Variants in ENAM observed in about 807,000 individuals in gnomAD.
The protein encoded by ENAM is amelogenesis imperfecta 2, hypocalcification (autosomal dominant).
Under a neutral mutation model 33.6 loss-of-function variants are expected in ENAM, and 21 were observed. That is an observed-to-expected ratio of 0.63 (90% CI 0.44 to 0.90). The LOEUF (loss-of-function observed/expected upper bound fraction) is 0.90. ENAM is among the 40% of genes least tolerant of loss of function. The probability of loss-of-function intolerance (pLI) is 0.00; values close to 1 mark genes in which losing one functional copy is unlikely to be tolerated. For synonymous variants in ENAM, 473 were observed against 468.4 expected, an observed-to-expected ratio of 1.01 and a Z score of -0.13; for missense variants, 1,388 against 1,366.9, an observed-to-expected ratio of 1.02 and a Z score of -0.24.
Position 70,630,103 on chromosome 4 carries a change from A to G in ENAM, c.54+549A>G, listed in dbSNP as rs1481740069. Among the ~76,000 whole-genome samples, 5 of 152,258 alleles carry G rather than the reference A, an allele frequency of 3.3e-5. 1 individual carries two copies. Among genetic ancestry groups the G allele is most frequent in the Admixed American group, 6.5e-5 (1 of 15,292 alleles). ...CATTCAGCTGTTATTTTCATTCTCTATGATGTTCTAACTCTGAAAATCTTT... is the reference window on the plus strand; with the variant it reads ...CATTCAGCTGTTATTTTCATTCTCTGTGATGTTCTAACTCTGAAAATCTTT... On this transcript the variant is annotated intron_variant, in intron 2 of 8. Coordinates refer to ENST00000396073, the MANE Select transcript of ENAM (RefSeq NM_031889.3).
At position 70,644,275 on chromosome 4, in the gene ENAM, C is replaced by T; in HGVS notation, c.2849C>T (p.Ser950Phe). 6 of 1,614,078 alleles carry T rather than the reference C, an allele frequency of 3.7e-6. No individual in the cohort carries two copies. Among genetic ancestry groups the T allele is most frequent in the Non-Finnish European group, 5.1e-6 (6 of 1,179,914 alleles). The change falls in exon 9 of 9, where the codon TCC becomes TTC. Residue 950 changes from serine (S) to phenylalanine (F), a missense_variant. Physicochemically the swap from Ser to Phe is radical, Grantham distance 155. Transcript: ENST00000396073. ...CAAAACCCTTTTAGAGATGATGTGTCCACGCTGAGGAGGAACACACCATGT... is the reference window on the plus strand; with the variant it reads ...CAAAACCCTTTTAGAGATGATGTGTTCACGCTGAGGAGGAACACACCATGT... ...ESQNPFRDDV[S>F]TLRRNTPCSI...
Position 70,645,216 on chromosome 4 carries a change from G to C in ENAM, c.*361G>C. ...ATTGGTTTTTCAAGACTGAAAGGCA[G>C]ATTAACTTTCCATTCTACTTATGGA... On this transcript the variant is annotated 3_prime_UTR_variant, in exon 9 of 9. Transcript: ENST00000396073. 4.9e-5 allele frequency: 16 copies of C among 326,548 alleles called. No homozygotes were observed. Among genetic ancestry groups the C allele is most frequent in the South Asian group, 4.0e-4 (4 of 10,048 alleles). 20.2% of individuals were successfully genotyped at this position (326,548 alleles called of 1,614,324 possible). A position where few individuals can be genotyped will look rare whatever the true frequency, so the allele number is the denominator to read the frequency against.
chr4:70,642,619 C>T lies in ENAM; in HGVS notation c.1193C>T (p.Pro398Leu). The part of the protein sequence containing the change: ...RGNYPNYAGN[P>L]ANLRRKPQGP... ...AATTATCCCAATTATGCAGGAAATC[C>T]AGCAAATCTCAGAAGAAAGCCTCAG... The change falls in exon 9 of 9, where the codon CCA (proline) becomes CTA (leucine). Residue 398 changes from proline to leucine, a missense_variant. Coordinates refer to ENST00000396073, the MANE Select transcript of ENAM (RefSeq NM_031889.3). The T allele has an allele frequency of 1.2e-6, 2 of 1,614,050 alleles. No homozygotes were observed. The highest frequency in any genetic ancestry group is 1.7e-6 in the Non-Finnish European group (2 of 1,179,978).
chr4:70,636,927 A>T (rs964212667), intron 7 of ENAM, among the ~76,000 whole-genome samples: 3 of 152,256 alleles, frequency 2.0e-5, no homozygotes, highest in Non-Finnish European at 4.4e-5. Context: ...AAGAAATGTT[A>T]AAGGCCAGTT....
At position 70,642,511 on chromosome 4, in the gene ENAM, A is replaced by G; in HGVS notation, c.1085A>G (p.Asn362Ser). The change falls in exon 9 of 9, where the codon AAC becomes AGC. Residue 362 changes from asparagine (N) to serine (S), a missense_variant. Physicochemically the swap from Asn to Ser is conservative, Grantham distance 46 (BLOSUM62 1). Transcript: ENST00000396073. ...CAAGTTCAAAGGGGTCCTCGGTGGA[A>G]CTTCTTTGCTTGGGAACGTAAACAA... is the stretch of plus-strand genomic sequence containing the variant. ...NQQVQRGPRW[N>S]FFAWERKQVA... 1 of 1,614,146 alleles carries G rather than the reference A, an allele frequency of 6.2e-7. No homozygotes were observed.
At position 70,642,370 on chromosome 4, in the gene ENAM, A is replaced by G. The variant is rs138327801; in HGVS notation, c.944A>G (p.Asn315Ser). ...SQIPWRPSQP[N>S]IRENHPYPNI... ...ATCCCATGGAGACCAAGTCAGCCAA[A>G]TATTCGTGAAAATCATCCATATCCT... Residue 315 changes from asparagine (N) to serine (S), a missense_variant, in exon 9 of 9, where the codon AAT (asparagine) becomes AGT (serine). Physicochemically the swap from Asn to Ser is conservative, Grantham distance 46. Transcript: ENST00000396073. The G allele has an allele frequency of 1.1e-4, 183 of 1,614,182 alleles. No homozygotes were observed. The highest frequency in any genetic ancestry group is 1.5e-4 in the Non-Finnish European group (175 of 1,180,024).
rs758735517 is a variant in ENAM, at chr4:70,632,657, C to A, written c.175C>A (p.Arg59=). 5 of 1,598,498 alleles carry A rather than the reference C, an allele frequency of 3.1e-6. No individual in the cohort carries two copies. Among genetic ancestry groups the A allele is most frequent in the South Asian group, 1.1e-5 (1 of 90,774 alleles). ...TGGATTCCTTTGGTTGCAGATGATG[C>A]GGTATAATCAATTCAACTTTATGAA... The part of the protein sequence containing the change: ...GFSSKSEEMM[R]YNQFNFMNGP... Residue 59 remains arginine (R), a synonymous_variant, in exon 5 of 9, where the codon CGG becomes AGG. Coordinates refer to ENST00000396073, the MANE Select transcript of ENAM (RefSeq NM_031889.3).
Position 70,644,433 on chromosome 4 carries a change from G to A in ENAM, c.3007G>A (p.Glu1003Lys), listed in dbSNP as rs775162070. 1.3e-5 allele frequency: 21 copies of A among 1,614,042 alleles called. No individual in the cohort carries two copies. The highest frequency in any genetic ancestry group is 2.7e-5 in the African/African-American group (2 of 74,910). ...DGNNILEQVF[E>K]DNQLNERTVD... The stretch of plus-strand genomic sequence containing the variant: ...GAACAACATTCTGGAACAAGTTTTT[G>A]AAGACAACCAGCTCAATGAAAGAAC... The change falls in exon 9 of 9, where the codon GAA becomes AAA. Residue 1003 changes from glutamate to lysine, a missense_variant. Coordinates refer to ENST00000396073, the MANE Select transcript of ENAM (RefSeq NM_031889.3).
At chr4:70,629,000 A>G (rs1270826025) in intron 1 of ENAM, 36 bp downstream of exon 1, 1 of 160,444 alleles carries the variant, frequency 6.2e-6, no homozygotes, top group Non-Finnish European at 1.4e-5. Flanking sequence ...AATTACATAT[A>G]GTGTCAAATA....
intron 6 of ENAM, 139 bp downstream of exon 6, chr4:70,634,707 G>T (rs924463198): frequency 1.1e-4 from 97 of 861,164 alleles, no homozygotes; most frequent in Admixed American, 1.0e-4. Context: ...ATCCAAAACT[G>T]CATGGCAAGT....
intron 8 of ENAM, among the ~76,000 whole-genome samples, chr4:70,639,937 C>T (rs1738556590): frequency 6.6e-6 from 1 of 152,188 alleles, no homozygotes; most frequent in Non-Finnish European, 1.5e-5. Context: ...TACCTGATTT[C>T]CTGCATGATC....
chr4:70,639,162 T>A (rs1325053949), intron 8 of ENAM, among the ~76,000 whole-genome samples: 1 of 152,282 alleles, frequency 6.6e-6, no homozygotes, highest in East Asian at 1.9e-4. Context: ...CTCTCAAATA[T>A]ATCATGAAAT....
Position 70,637,794 on chromosome 4 carries a change from TACC to T in ENAM, c.547_549del (p.Pro183del), listed in dbSNP as rs767072295. The T allele has an allele frequency of 6.2e-7, 1 of 1,613,496 alleles. No homozygotes were observed. The highest frequency in any genetic ancestry group is 1.1e-5 in the South Asian group (1 of 91,072). ...ACTGTGTTTTTCACTTCTCAGAGGT[TACC>T]ACCACCAGGTTATGGACGCCCACCA... On this transcript the variant is annotated inframe_deletion, in exon 8 of 9. Coordinates refer to ENST00000396073, the MANE Select transcript of ENAM (RefSeq NM_031889.3).
In ENAM at chr4:70,642,124, C is replaced by A; in HGVS notation, c.698C>A (p.Pro233His). ...GAAAAACCCAAAGAAGAAGATCCTC[C>A]TAAAGCAGAAAGTCCAGGCACAGAA... ...DFEKPKEEDPPKAESPGTEPT... is the reference protein window; with the variant it reads ...DFEKPKEEDPHKAESPGTEPT... The change falls in exon 9 of 9, where the codon CCT (proline) becomes CAT (histidine). Residue 233 changes from proline to histidine, a missense_variant. Transcript: ENST00000396073. 6.2e-7 allele frequency: 1 copy of A among 1,614,102 alleles called. No homozygotes were observed. The highest frequency in any genetic ancestry group is 8.5e-7 in the Non-Finnish European group (1 of 1,179,968).
Position 70,644,736 on chromosome 4 carries a change from C to A in ENAM, c.3310C>A (p.Gln1104Lys), listed in dbSNP as rs114751362. 4.8e-5 allele frequency: 78 copies of A among 1,613,860 alleles called. No individual in the cohort carries two copies. In the Middle Eastern group the frequency reaches 6.6e-4, roughly 14 times the overall value. Residue 1104 changes from glutamine to lysine, a missense_variant, in exon 9 of 9, where the codon CAA becomes AAA. Gln to Lys is a moderately conservative substitution (Grantham distance 53). Coordinates refer to ENST00000396073, the MANE Select transcript of ENAM (RefSeq NM_031889.3). ...NTLVELATEEQFKSINVDPLD... is the reference protein window; with the variant it reads ...NTLVELATEEKFKSINVDPLD... ...ATTGGTTGAGTTAGCTACTGAGGAA[C>A]AATTTAAGAGTATAAATGTAGACCC...
chr4:70,642,140 A>G lies in ENAM; in HGVS notation c.714A>G (p.Pro238=). 6.2e-7 allele frequency: 1 copy of G among 1,614,180 alleles called. No individual in the cohort carries two copies. ...AAGATCCTCCTAAAGCAGAAAGTCC[A>G]GGCACAGAACCCACAGCTAATTCAA... The part of the protein sequence containing the change: ...KEEDPPKAES[P]GTEPTANSTV... The change falls in exon 9 of 9, where the codon CCA becomes CCG. Residue 238 remains proline (P), a synonymous_variant. Transcript: ENST00000396073.
At chr4:70,640,378 T>A (rs1466178418) in intron 8 of ENAM, among the ~76,000 whole-genome samples, 1 of 152,122 alleles carries the variant, frequency 6.6e-6, no homozygotes, top group Non-Finnish European at 1.5e-5. Flanking sequence ...ATGAGTCAAA[T>A]TTGCCAGGAG....
At chr4:70,633,481 T>C (rs1238897629) in intron 5 of ENAM, among the ~76,000 whole-genome samples, 2 of 152,142 alleles carry the variant, frequency 1.3e-5, no homozygotes, top group Non-Finnish European at 2.9e-5. Flanking sequence ...AAATCCTGTG[T>C]CTTAGTGCAA....
chr4:70,636,056 A>AGAC (rs1738445640), intron 7 of ENAM, among the ~76,000 whole-genome samples, 162 bp downstream of exon 7: 3 of 144,456 alleles, frequency 2.1e-5, no homozygotes, highest in African/African-American at 8.5e-5. Context: ...AAAAAGAATA[A>AGAC]TTTTTTGAAT....
Sources: gnomAD v4.1 joint callset for allele counts (sites outside exome capture counted in the v4.1 genomes callset) on GRCh38, gnomAD v4.1.1 for gene constraint, MANE v1.5 for transcripts, NCBI Gene and HGNC (gene_info 2026-07-23, HGNC 2026-07-21) for gene names.